The following NT5DC3 variants were observed in gnomAD, a reference collection of about 807,000 sequenced individuals.
NT5DC3 encodes 5'-nucleotidase domain containing 3.
In NT5DC3, 42 loss-of-function variants were observed where a neutral mutation model predicts 67.8. That is an observed-to-expected ratio of 0.62 (90% CI 0.48 to 0.80). The LOEUF is 0.80. Among genes scored for constraint, NT5DC3 ranks in the 30% least tolerant of loss-of-function variants. The pLI is 0.00. For synonymous variants in NT5DC3, 237 were observed against 255.6 expected (o/e 0.93, Z 0.69); for missense variants, 570 against 696.4 (o/e 0.82, Z 2.04).
chr12:103,823,698 C>G (rs1887578137), intron 1 of NT5DC3, among the ~76,000 whole-genome samples: 1 of 152,118 alleles, frequency 6.6e-6, no homozygotes, highest in African/African-American at 2.4e-5. Context: ...TTGAAAACAT[C>G]AAGGTTTCAA....
At chr12:103,823,509 TG>T (rs1034489401) in intron 1 of NT5DC3, among the ~76,000 whole-genome samples, 4 of 152,236 alleles carry the variant, frequency 2.6e-5, no homozygotes, top group Admixed American at 2.0e-4. Flanking sequence ...AGCATTTTTT[TG>T]GTTTGTTTTC....
At chr12:103,754,961 A>AAT in the NT5DC3 span, 58 of 218,884 alleles carry the variant, frequency 2.6e-4, no homozygotes, top group African/African-American at 6.4e-4. Context: ...AAAAAAAAAA[A>AAT]TTTGAGTTCT....
downstream of NT5DC3, among the ~76,000 whole-genome samples, chr12:103,769,699 G>A (rs1885139208): frequency 6.6e-6 from 1 of 152,228 alleles, no homozygotes; most frequent in East Asian, 1.9e-4. Context: ...CGCCAGAGGC[G>A]CAGCTATTCA....
chr12:103,796,793 A>G, intron 6 of NT5DC3, 101 bp downstream of exon 6: 1 of 1,239,784 alleles, frequency 8.1e-7, no homozygotes, highest in Admixed American at 1.9e-5. Flanking sequence ...CTAAGAGACT[A>G]TTTAAAACAC....
chr12:103,838,067 T>C (rs150438647), intron 1 of NT5DC3, among the ~76,000 whole-genome samples: 4,817 of 152,270 alleles, frequency 0.032, 277 homozygotes, highest in African/African-American at 0.11. Context: ...TGAAAAGCAC[T>C]TCTTACATGG....
the NT5DC3 span, chr12:103,758,021 C>A: frequency 2.6e-6 from 3 of 1,167,628 alleles, no homozygotes; most frequent in Admixed American, 4.9e-5. Flanking sequence ...TCCCACGGCG[C>A]AGGCAGAAGA....
In NT5DC3 at chr12:103,777,330, A is replaced by G. The variant is rs999603055; in HGVS notation, c.*499T>C. On this transcript the variant is annotated 3_prime_UTR_variant, in exon 14 of 14. Transcript: ENST00000392876. Reference sequence around the variant, plus strand: ...CCAAATGATTTGGGAACTGGCCATCACCTGGGGAACCTCTCTGCCACTCAC... The same window carrying G: ...CCAAATGATTTGGGAACTGGCCATCGCCTGGGGAACCTCTCTGCCACTCAC... 1 of 157,866 alleles carries G rather than the reference A, an allele frequency of 6.3e-6. No individual in the cohort carries two copies. The allele number at this position is 157,866 out of a possible 1,614,324, so 9.8% of individuals were successfully genotyped here.
At chr12:103,813,085 A>G (rs1887104028) in intron 2 of NT5DC3, among the ~76,000 whole-genome samples, 1 of 152,248 alleles carries the variant, frequency 6.6e-6, no homozygotes, top group East Asian at 1.9e-4. Context: ...TGGACAATCA[A>G]TGAACACTGC....
chr12:103,746,763 T>C, the NT5DC3 span: 1 of 1,540,894 alleles, frequency 6.5e-7, no homozygotes, highest in Non-Finnish European at 9.0e-7. Context: ...GAGCAGGACT[T>C]GCTCACAGTG....
At chr12:103,794,067 T>G in intron 6 of NT5DC3, 70 bp from the exon 7 acceptor site, 1 of 1,166,828 alleles carries the variant, frequency 8.6e-7, no homozygotes, top group Non-Finnish European at 1.3e-6. Context: ...ACAAGTGAAA[T>G]GGCAGTCATG....
chr12:103,752,883 T>G, the NT5DC3 span, among the ~76,000 whole-genome samples: 1 of 152,210 alleles, frequency 6.6e-6, no homozygotes, highest in African/African-American at 2.4e-5. Context: ...AAATTAAAAA[T>G]TTACCAAAAA....
chr12:103,776,573 G>A lies in NT5DC3; in HGVS notation c.*1256C>T, dbSNP rs11111764. On this transcript the variant is annotated 3_prime_UTR_variant, in exon 14 of 14. Coordinates refer to ENST00000392876, the MANE Select transcript of NT5DC3 (RefSeq NM_001031701.3). ...TCCATCTCAACAAAACAAAACAGAA[G>A]GAAATGAGAAAAGCTTGGTTAGCTA... The A allele has an allele frequency of 0.47, 70,985 of 151,572 alleles. 17,620 individuals carry two copies. The highest frequency in any genetic ancestry group is 0.88 in the East Asian group (4,556 of 5,168). 9.4% of individuals were successfully genotyped at this position (151,572 alleles called of 1,614,324 possible).
rs372377543 is a variant in NT5DC3, at chr12:103,772,569, T to G, written c.*5260A>C. 8.6e-5 allele frequency: 13 copies of G among 151,754 alleles called. No individual in the cohort carries two copies. Among genetic ancestry groups the G allele is most frequent in the East Asian group, 7.8e-4 (4 of 5,152 alleles). 9.4% of individuals were successfully genotyped at this position (151,754 alleles called of 1,614,324 possible). A position where few individuals can be genotyped will look rare whatever the true frequency, so the allele number is the denominator to read the frequency against. On this transcript the variant is annotated 3_prime_UTR_variant, in exon 14 of 14. Coordinates refer to ENST00000392876, the MANE Select transcript of NT5DC3 (RefSeq NM_001031701.3). ...GGTTCCCCGAAAGCAGATACTGAGG[T>G]GGAGAATGGCGTGCAGGAAGGTTCA...
the NT5DC3 span, among the ~76,000 whole-genome samples, chr12:103,762,903 CTGTG>C: frequency 6.6e-6 from 1 of 152,190 alleles, no homozygotes; most frequent in Non-Finnish European, 1.5e-5. Context: ...TCTTGACTGG[CTGTG>C]TAAGAATATG....
At chr12:103,782,184 A>G (rs1313002511) in intron 12 of NT5DC3, among the ~76,000 whole-genome samples, 1 of 152,192 alleles carries the variant, frequency 6.6e-6, no homozygotes, top group Non-Finnish European at 1.5e-5. Flanking sequence ...AGCCCGGCCA[A>G]CATGGTGAAA....
chr12:103,748,939 G>C, the NT5DC3 span: 1 of 1,601,102 alleles, frequency 6.2e-7, no homozygotes, highest in South Asian at 1.1e-5. Flanking sequence ...GGTAAGTTGA[G>C]CCCTCTCTCC....
At chr12:103,762,461 A>G in the NT5DC3 span, 1 of 1,611,766 alleles carries the variant, frequency 6.2e-7, no homozygotes, top group African/African-American at 1.3e-5. Context: ...CAGTCCCTGG[A>G]CCTGGGCTGC....
At position 103,777,031 on chromosome 12, in the gene NT5DC3, C is replaced by T. The variant is rs1885364155; in HGVS notation, c.*798G>A. ...TGGTGTTTCCAGGTTTAACAAGCTC[C>T]TGGGAGACCTACCACAAATGTTTTG... On this transcript the variant is annotated 3_prime_UTR_variant, in exon 14 of 14. Transcript: ENST00000392876. 1.3e-5 allele frequency: 2 copies of T among 152,200 alleles called. No homozygotes were observed. The highest frequency in any genetic ancestry group is 4.1e-4 in the South Asian group (2 of 4,832). 9.4% of individuals were successfully genotyped at this position (152,200 alleles called of 1,614,324 possible). A position where few individuals can be genotyped will look rare whatever the true frequency, so the allele number is the denominator to read the frequency against.
chr12:103,793,308 T>C, intron 8 of NT5DC3, 43 bp from the exon 9 acceptor site: 1 of 1,560,054 alleles, frequency 6.4e-7, no homozygotes, highest in Non-Finnish European at 8.8e-7. Context: ...ATTAAAGAGA[T>C]TAACTGTGTC....
Sources: gnomAD v4.1 joint callset for allele counts (sites outside exome capture counted in the v4.1 genomes callset) on GRCh38, gnomAD v4.1.1 for gene constraint, MANE v1.5 for transcripts, NCBI Gene and HGNC (gene_info 2026-07-23, HGNC 2026-07-21) for gene names.